Variants in PTPN23 observed in about 807,000 individuals in gnomAD.
PTPN23 encodes the protein tyrosine-protein phosphatase non-receptor type 23.
In PTPN23, 72 loss-of-function variants were observed where a neutral mutation model predicts 156.3. The observed-to-expected ratio is 0.46, with a 90% CI of 0.38 to 0.56. The LOEUF is 0.56. Ranked by LOEUF, PTPN23 falls within the 20% of genes least tolerant of loss-of-function variation. The probability of loss-of-function intolerance (pLI) is 0.00; values close to 1 mark genes in which losing one functional copy is unlikely to be tolerated. For missense variants in PTPN23, 1,974 were observed against 2,171.5 expected (o/e 0.91, Z 1.81); for synonymous variants, 957 against 899.6 (o/e 1.06, Z -1.14).
chr3:47,382,871 G>A (rs1704577483), intron 1 of PTPN23, among the ~76,000 whole-genome samples: 1 of 151,440 alleles, frequency 6.6e-6, no homozygotes, highest in East Asian at 2.0e-4. Flanking sequence ...TGTATTTTTA[G>A]TGGAGAGGGG....
chr3:47,384,316 A>G (rs1704610153), intron 1 of PTPN23, among the ~76,000 whole-genome samples: 1 of 151,928 alleles, frequency 6.6e-6, no homozygotes, highest in South Asian at 2.1e-4. Flanking sequence ...AAAATACAAA[A>G]AATTAGCCAG....
rs185018913 is a variant in PTPN23 at position 47,384,196 on chromosome 3, C to T, written c.84+3016C>T. Reference sequence around the variant, plus strand: ...AGTAGAAGTATTTGTAGGCCGGGTGCGGTGGCTCACGCCTGTAATCCCAGC... The same window carrying T: ...AGTAGAAGTATTTGTAGGCCGGGTGTGGTGGCTCACGCCTGTAATCCCAGC... On this transcript the variant is annotated intron_variant, in intron 1 of 24. Transcript: ENST00000265562. Among the ~76,000 whole-genome samples, 303 of 150,782 alleles carry T rather than the reference C, an allele frequency of 2.0e-3. 3 individuals carry two copies. The highest frequency in any genetic ancestry group is 6.7e-3 in the African/African-American group (275 of 40,998).
At chr3:47,394,885 G>A (rs563877644) in intron 1 of PTPN23, among the ~76,000 whole-genome samples, 1 of 152,140 alleles carries the variant, frequency 6.6e-6, no homozygotes, top group South Asian at 2.1e-4. Flanking sequence ...GGTAAGGGAC[G>A]GATTTGAAGG....
At chr3:47,394,005 A>C (rs989216549) in intron 1 of PTPN23, among the ~76,000 whole-genome samples, 1 of 151,636 alleles carries the variant, frequency 6.6e-6, no homozygotes, top group Non-Finnish European at 1.5e-5. Flanking sequence ...CAGCCACCCA[A>C]AGTGCTGGGA....
intron 19 of PTPN23, 34 bp from the exon 20 acceptor site, chr3:47,409,894 G>A (rs778841722): frequency 1.3e-6 from 2 of 1,576,030 alleles, no homozygotes; most frequent in Non-Finnish European, 8.6e-7. Flanking sequence ...GGTGATGGGA[G>A]CCTGGCCCCA....
chr3:47,396,695 G>C (rs1460226324), intron 2 of PTPN23, among the ~76,000 whole-genome samples: 1 of 152,056 alleles, frequency 6.6e-6, no homozygotes, highest in Non-Finnish European at 1.5e-5. Context: ...CAGGAGGATT[G>C]GTTCCTCCTG....
At chr3:47,381,260 C>T in intron 1 of PTPN23, 80 bp downstream of exon 1, 1 of 1,529,406 alleles carries the variant, frequency 6.5e-7, no homozygotes, top group Non-Finnish European at 8.8e-7. Context: ...CCTGCGCGCC[C>T]ATCACCTCCT....
intron 1 of PTPN23, among the ~76,000 whole-genome samples, chr3:47,382,680 C>CTTTTCTTTT (rs1704570021): frequency 1.7e-5 from 1 of 58,646 alleles, no homozygotes; most frequent in African/African-American, 5.9e-5. Context: ...TTTTTCTTTT[C>CTTTTCTTTT]TTTTTTTTTT....
chr3:47,383,232 T>C (rs1355190640), intron 1 of PTPN23, among the ~76,000 whole-genome samples: 1 of 152,166 alleles, frequency 6.6e-6, no homozygotes, highest in Non-Finnish European at 1.5e-5. Flanking sequence ...TTCTGTGCCG[T>C]TGGTCATGGA....
rs1377627620 is a variant in PTPN23 at position 47,412,503 on chromosome 3, C to T, written c.4318-11C>T. ...CCTGCCCAGCTGACCTGGCCAAATG[C>T]ACCTGTGCAGCTGCACCTCAGGTTC... is the stretch of plus-strand genomic sequence containing the variant. On this transcript the variant is annotated splice_polypyrimidine_tract_variant and intron_variant, in intron 23 of 24. Coordinates refer to ENST00000265562, the MANE Select transcript of PTPN23 (RefSeq NM_015466.4). 4 of 1,612,522 alleles carry T rather than the reference C, an allele frequency of 2.5e-6. No individual in the cohort carries two copies. The highest frequency in any genetic ancestry group is 1.7e-6 in the Non-Finnish European group (2 of 1,179,566).
At chr3:47,387,344 A>G (rs1296516999) in intron 1 of PTPN23, among the ~76,000 whole-genome samples, 1 of 148,762 alleles carries the variant, frequency 6.7e-6, no homozygotes, top group Non-Finnish European at 1.5e-5. Context: ...AGGCAGGAGG[A>G]TCAGTCAAGA....
chr3:47,393,207 C>T (rs1391719273), intron 1 of PTPN23, among the ~76,000 whole-genome samples: 1 of 151,966 alleles, frequency 6.6e-6, no homozygotes, highest in Non-Finnish European at 1.5e-5. Flanking sequence ...GGCTGGAGTG[C>T]AGTGTTGTAA....
Position 47,407,144 on chromosome 3 carries a change from G to C in PTPN23, c.822G>C (p.Gln274His). Residue 274 changes from glutamine (Q) to histidine (H), a missense_variant, in exon 10 of 25, where the codon CAG (glutamine) becomes CAC (histidine). Physicochemically the swap from Gln to His is conservative, Grantham distance 24. Around this residue, in one of 4 missense-constraint regions of PTPN23, gnomAD observed 726 missense variants for 929.5 expected, o/e 0.78. Coordinates refer to ENST00000265562, the MANE Select transcript of PTPN23 (RefSeq NM_015466.4). This position sits in a 1 kb window ranked among gnomAD's most constrained non-coding sequence, Gnocchi z 4.0. ...ACCCTCCACAGGTTGCATACTTCCAGAGCGCCCTGGACAAGCTCAATGAAG... is the reference window on the plus strand; with the variant it reads ...ACCCTCCACAGGTTGCATACTTCCACAGCGCCCTGGACAAGCTCAATGAAG... ...QKFGERVAYF[Q>H]SALDKLNEAI... is the part of the protein sequence containing the mutation. 6.2e-7 allele frequency: 1 copy of C among 1,614,050 alleles called. No homozygotes were observed. The highest frequency in any genetic ancestry group is 8.5e-7 in the Non-Finnish European group (1 of 1,179,974).
Position 47,412,325 on chromosome 3 carries a change from A to C in PTPN23, c.4221A>C (p.Ala1407=). Residue 1407 remains alanine, a synonymous_variant, in exon 23 of 25, where the codon GCA becomes GCC. Transcript: ENST00000265562. ...GRTGAFALLY[A]AVQEVEAGNG... is the part of the protein sequence containing the mutation. ...CGGGAGCCTTTGCACTGCTCTATGC[A>C]GCTGTGCAGGAGGTGGAGGCTGGGA... 5 of 1,613,386 alleles carry C rather than the reference A, an allele frequency of 3.1e-6. No homozygotes were observed. Among genetic ancestry groups the C allele is most frequent in the Non-Finnish European group, 4.2e-6 (5 of 1,180,020 alleles).
At chr3:47,391,086 A>T (rs942489449) in intron 1 of PTPN23, among the ~76,000 whole-genome samples, 3 of 152,112 alleles carry the variant, frequency 2.0e-5, no homozygotes, top group Non-Finnish European at 2.9e-5. Context: ...CTCTACAGAA[A>T]ATTAGCTGAG....
Position 47,407,725 on chromosome 3 carries a change from G to A in PTPN23, c.1032G>A (p.Val344=). ...KGAPLVKPLP[V]NPTDPAVTGP... The stretch of plus-strand genomic sequence containing the variant: ...CCCCCTTGGTGAAGCCCTTGCCAGT[G>A]AACCCCACAGACCCAGCTGTTACAG... The change falls in exon 13 of 25, where the codon GTG becomes GTA. Residue 344 remains valine, a synonymous_variant. Coordinates refer to ENST00000265562, the MANE Select transcript of PTPN23 (RefSeq NM_015466.4). The surrounding 1 kb of genome is among the most constrained non-coding windows in gnomAD (Gnocchi z 4.0). The A allele has an allele frequency of 1.2e-6, 2 of 1,614,004 alleles. No individual in the cohort carries two copies. Among genetic ancestry groups the A allele is most frequent in the Non-Finnish European group, 1.7e-6 (2 of 1,179,980 alleles).
At position 47,411,098 on chromosome 3, in the gene PTPN23, C is replaced by T. The variant is rs766398931; in HGVS notation, c.3300C>T (p.Arg1100=). The T allele has an allele frequency of 2.5e-6, 4 of 1,602,300 alleles. No individual in the cohort carries two copies. Among genetic ancestry groups the T allele is most frequent in the East Asian group, 4.5e-5 (2 of 44,320 alleles). ...CAGGGCCTGGTCCGGTACCCCCTCG[C>T]CCCCCAGCAGCAGAACCACCCCCTT... ...PSPGPGPVPP[R]PPAAEPPPCL... is the part of the protein sequence containing the mutation. The change falls in exon 20 of 25, where the codon CGC becomes CGT. Residue 1100 remains arginine, a synonymous_variant. Coordinates refer to ENST00000265562, the MANE Select transcript of PTPN23 (RefSeq NM_015466.4). This position sits in a 1 kb window ranked among gnomAD's most constrained non-coding sequence, Gnocchi z 6.3.
Position 47,413,034 on chromosome 3 carries a change from C to A in PTPN23, c.4760C>A (p.Ala1587Asp). The A allele has an allele frequency of 6.2e-7, 1 of 1,612,976 alleles. No homozygotes were observed. Among genetic ancestry groups the A allele is most frequent in the Admixed American group, 1.7e-5 (1 of 60,018 alleles). ...LELLASLTPE[A>D]FSLDSSLRGK... is the part of the protein sequence containing the mutation. Reference sequence around the variant, plus strand: ...TTGCTGGCCTCCTTGACCCCAGAGGCCTTCTCCCTGGACAGCTCCCTGCGG... The same window carrying A: ...TTGCTGGCCTCCTTGACCCCAGAGGACTTCTCCCTGGACAGCTCCCTGCGG... Residue 1587 changes from alanine (A) to aspartate (D), a missense_variant, in exon 25 of 25, where the codon GCC (alanine) becomes GAC (aspartate). Ala to Asp is a moderately radical substitution (Grantham distance 126, BLOSUM62 -2). Transcript: ENST00000265562.
At position 47,405,891 on chromosome 3, in the gene PTPN23, G is replaced by A. The variant is rs1370211091; in HGVS notation, c.415-24G>A. The A allele has an allele frequency of 6.2e-7, 1 of 1,611,548 alleles. No homozygotes were observed. The highest frequency in any genetic ancestry group is 8.5e-7 in the Non-Finnish European group (1 of 1,178,576). ...AATCCTGACCCATGGAGTGGACACA[G>A]GCCATCCTCCCACTCCCTCCCAGGG... is the stretch of plus-strand genomic sequence containing the variant. On this transcript the variant is annotated intron_variant, in intron 5 of 24. Coordinates refer to ENST00000265562, the MANE Select transcript of PTPN23 (RefSeq NM_015466.4). This position sits in a 1 kb window ranked among gnomAD's most constrained non-coding sequence, Gnocchi z 4.7.
Sources: allele counts gnomAD v4.1 joint callset (sites outside exome capture counted in the v4.1 genomes callset), GRCh38; gene constraint gnomAD v4.1.1; regional missense constraint gnomAD v4.1.1; non-coding constraint Gnocchi (gnomAD v3.1); transcripts MANE v1.5; gene names NCBI Gene and HGNC (gene_info 2026-07-23, HGNC 2026-07-21).